RAB27B: variants seen among roughly 807,000 people sequenced by gnomAD.
The protein encoded by RAB27B is ras-related protein Rab-27B.
RAB27B carries 15 observed loss-of-function variants against 24.6 expected under a neutral mutation model. The observed-to-expected ratio is 0.61, with a 90% CI of 0.41 to 0.94. The LOEUF is 0.94. Ranked by LOEUF, RAB27B falls within the 40% of genes least tolerant of loss-of-function variation. The pLI, the probability that RAB27B is intolerant of heterozygous loss-of-function variation, is 0.00. For missense variants in RAB27B, 261 were observed against 266.8 expected (o/e 0.98, Z 0.15); for synonymous variants, 105 against 92.5 (o/e 1.14, Z -0.78).
intron 1 of RAB27B, among the ~76,000 whole-genome samples, chr18:54,861,683 T>C (rs1402690088): frequency 2.0e-5 from 3 of 152,140 alleles, no homozygotes; most frequent in African/African-American, 7.2e-5. Flanking sequence ...TTGGAATCAT[T>C]AGGGAGAGTG....
intron 2 of RAB27B, among the ~76,000 whole-genome samples, chr18:54,793,076 T>C (rs2092337623): frequency 6.8e-6 from 1 of 146,576 alleles, no homozygotes; most frequent in Non-Finnish European, 1.5e-5. Flanking sequence ...CAAACCCCTG[T>C]AGTATAAGCA....
At chr18:54,732,645 A>G (rs1230168292) in intron 2 of RAB27B, among the ~76,000 whole-genome samples, 1 of 152,222 alleles carries the variant, frequency 6.6e-6, no homozygotes, top group African/African-American at 2.4e-5. Flanking sequence ...ATTAGTTAAT[A>G]AAGAATATCA....
At chr18:54,732,797 A>G in intron 2 of RAB27B, among the ~76,000 whole-genome samples, 1 of 152,212 alleles carries the variant, frequency 6.6e-6, no homozygotes. Context: ...AAAGTTATTT[A>G]TATTTCTACA....
intron 1 of RAB27B, among the ~76,000 whole-genome samples, chr18:54,835,589 C>A (rs1015219232): frequency 2.6e-5 from 4 of 151,854 alleles, no homozygotes; most frequent in African/African-American, 9.7e-5. Context: ...ATTGCTGTAA[C>A]GAAAATATTC....
intron 2 of RAB27B, among the ~76,000 whole-genome samples, chr18:54,727,983 A>G (rs901286528): frequency 8.5e-5 from 13 of 152,228 alleles, no homozygotes; most frequent in African/African-American, 3.1e-4. Flanking sequence ...TGCATAAAAT[A>G]CGGCAGGTTT....
intron 4 of RAB27B, among the ~76,000 whole-genome samples, chr18:54,887,702 T>C (rs1913202911): frequency 6.6e-6 from 1 of 152,196 alleles, no homozygotes; most frequent in African/African-American, 2.4e-5. Context: ...ACATATGATG[T>C]ATTAATGAAT....
intron 1 of RAB27B, among the ~76,000 whole-genome samples, chr18:54,846,034 A>G (rs1352923684): frequency 6.6e-6 from 1 of 152,106 alleles, no homozygotes; most frequent in African/African-American, 2.4e-5. Flanking sequence ...TGTCCTTTTC[A>G]TGATTTATTT....
chr18:54,842,234 G>A (rs1383497709), intron 1 of RAB27B, among the ~76,000 whole-genome samples: 1 of 152,192 alleles, frequency 6.6e-6, no homozygotes, highest in East Asian at 1.9e-4. Context: ...CCACTTGTTT[G>A]TAAGAAAAGA....
chr18:54,745,038 C>A, intron 2 of RAB27B: 1 of 179,566 alleles, frequency 5.6e-6, no homozygotes, highest in South Asian at 1.2e-4. Context: ...TTGAGTCACT[C>A]CTATTGCTGG....
chr18:54,747,167 C>T (rs984664313), intron 2 of RAB27B, among the ~76,000 whole-genome samples: 1 of 152,144 alleles, frequency 6.6e-6, no homozygotes, highest in Non-Finnish European at 1.5e-5. Flanking sequence ...TCCCCACAAT[C>T]TCCAATCCTA....
chr18:54,744,154 A>G (rs1383135245), intron 2 of RAB27B, among the ~76,000 whole-genome samples: 1 of 152,216 alleles, frequency 6.6e-6, no homozygotes, highest in East Asian at 1.9e-4. Context: ...TGTGTGAGCC[A>G]TGGCTACTTG....
Position 54,894,472 on chromosome 18 carries a change from A to G in RAB27B, c.*5059A>G, listed in dbSNP as rs1380886064. 1 of 152,028 alleles carries G rather than the reference A, an allele frequency of 6.6e-6. No individual in the cohort carries two copies. The highest frequency in any genetic ancestry group is 1.5e-5 in the Non-Finnish European group (1 of 67,944). The allele number at this position is 152,028 out of a possible 1,614,324, so 9.4% of individuals were successfully genotyped here. On this transcript the variant is annotated 3_prime_UTR_variant, in exon 6 of 6. Coordinates refer to ENST00000262094, the MANE Select transcript of RAB27B (RefSeq NM_004163.4). ...TGTCTTTATGTCTGTTGGCATATCA[A>G]AATGGTTTCTGTTCCTAGAAAAGTA...
intron 2 of RAB27B, among the ~76,000 whole-genome samples, chr18:54,763,938 C>T (rs902341266): frequency 3.3e-5 from 5 of 152,146 alleles, no homozygotes; most frequent in African/African-American, 1.2e-4. Flanking sequence ...TCTAAGTTCT[C>T]TTTCCCTGGT....
intron 1 of RAB27B, among the ~76,000 whole-genome samples, chr18:54,859,646 A>T (rs1399214206): frequency 2.0e-5 from 3 of 152,230 alleles, no homozygotes; most frequent in Non-Finnish European, 4.4e-5. Context: ...AACAGCAGGA[A>T]AGGTGGTCAT....
intron 1 of RAB27B, among the ~76,000 whole-genome samples, chr18:54,873,902 G>A (rs544382360): frequency 6.6e-6 from 1 of 152,162 alleles, no homozygotes; most frequent in African/African-American, 2.4e-5. Flanking sequence ...ACAGTGCCAA[G>A]CTTTGCATTC....
chr18:54,877,884 TA>T (rs1214467118), intron 2 of RAB27B, 146 bp downstream of exon 2: 10 of 893,134 alleles, frequency 1.1e-5, no homozygotes, highest in Admixed American at 3.9e-5. Context: ...GAATATTATT[TA>T]CTACTTTTCA....
intron 1 of RAB27B, among the ~76,000 whole-genome samples, chr18:54,829,690 A>G (rs112242332): frequency 0.033 from 5,027 of 152,310 alleles, 135 homozygotes; most frequent in Admixed American, 0.077. Flanking sequence ...TAAATTTTGA[A>G]AAGTTGAGGG....
intron 2 of RAB27B, among the ~76,000 whole-genome samples, chr18:54,819,335 A>G (rs1910221968): frequency 6.7e-6 from 1 of 149,040 alleles, no homozygotes; most frequent in Admixed American, 6.7e-5. Context: ...ATAGTCATAT[A>G]AGCTGTTACC....
chr18:54,813,092 T>A (rs1318156756), intron 2 of RAB27B, among the ~76,000 whole-genome samples: 1 of 152,130 alleles, frequency 6.6e-6, no homozygotes, highest in Non-Finnish European at 1.5e-5. Flanking sequence ...TTCTCTGAGG[T>A]TCTGTGGTTC....
Sources: allele counts gnomAD v4.1 joint callset (sites outside exome capture counted in the v4.1 genomes callset), GRCh38; gene constraint gnomAD v4.1.1; transcripts MANE v1.5; gene names NCBI Gene and HGNC (gene_info 2026-07-23, HGNC 2026-07-21).